MDGA2: variants seen among roughly 807,000 people sequenced by gnomAD.
The protein encoded by MDGA2 is MAM domain containing glycosylphosphatidylinositol anchor 2.
In MDGA2, 40 loss-of-function variants were observed where a neutral mutation model predicts 117.8. The observed-to-expected ratio is 0.34, with a 90% CI of 0.26 to 0.44. The LOEUF (loss-of-function observed/expected upper bound fraction) is 0.44. Among genes scored for constraint, MDGA2 ranks in the 20% least tolerant of loss-of-function variants. MDGA2 has a pLI of 1.00. For synonymous variants in MDGA2, 452 were observed against 439.0 expected, an observed-to-expected ratio of 1.03 and a Z score of -0.37; for missense variants, 1,123 against 1,250.6, an observed-to-expected ratio of 0.90 and a Z score of 1.54.
At chr14:47,467,856 T>A (rs996941432) in intron 1 of MDGA2, among the ~76,000 whole-genome samples, 2 of 152,154 alleles carry the variant, frequency 1.3e-5, no homozygotes, top group Non-Finnish European at 2.9e-5. Context: ...AAATGACCCA[T>A]ACATTTTAAC....
At chr14:47,609,465 A>ATATATATATATATATATATATATATAT (rs1555336021) in intron 1 of MDGA2, among the ~76,000 whole-genome samples, 2 of 107,386 alleles carry the variant, frequency 1.9e-5, no homozygotes, top group Non-Finnish European at 3.9e-5. Flanking sequence ...ATATATATAT[A>ATATATATATATATATATATATATATAT]AGTTTCTTTA....
intron 2 of MDGA2, among the ~76,000 whole-genome samples, chr14:47,239,486 T>C (rs1439710100): frequency 6.6e-6 from 1 of 151,876 alleles, no homozygotes; most frequent in Non-Finnish European, 1.5e-5. Flanking sequence ...TAATATGCTT[T>C]GATCAATTTG....
rs542908293 is a variant in MDGA2 at position 47,243,796 on chromosome 14, A to G, written c.421-25601T>C. ...AGTCAGTGAGACCAAGAACCCACCA[A>G]TTCCGGACACAAAACCAAACGCTCC... is the stretch of plus-strand genomic sequence containing the variant. On this transcript the variant is annotated intron_variant, in intron 2 of 16. Transcript: ENST00000399232. Among the ~76,000 whole-genome samples, 17 of 151,870 alleles carry G rather than the reference A, an allele frequency of 1.1e-4. No homozygotes were observed. The South Asian group carries it at 2.1e-3, about 19-fold the overall frequency.
At chr14:47,061,620 T>G in intron 6 of MDGA2, 42 bp from the exon 7 acceptor site, 1 of 1,499,460 alleles carries the variant, frequency 6.7e-7, no homozygotes, top group Non-Finnish European at 9.1e-7. Flanking sequence ...GTTACTTTCA[T>G]AACTTTAAGG....
At chr14:47,398,630 A>G (rs1277507859) in intron 1 of MDGA2, among the ~76,000 whole-genome samples, 1 of 152,158 alleles carries the variant, frequency 6.6e-6, no homozygotes, top group African/African-American at 2.4e-5. Context: ...TTCTATGGAC[A>G]CACAACGTTT....
At chr14:47,052,593 C>T (rs1166235358) in intron 7 of MDGA2, among the ~76,000 whole-genome samples, 1 of 151,784 alleles carries the variant, frequency 6.6e-6, no homozygotes, top group Non-Finnish European at 1.5e-5. Context: ...AGAATACTCT[C>T]CATTTTTATA....
chr14:47,014,267 T>C (rs1467359946), intron 8 of MDGA2, among the ~76,000 whole-genome samples: 1 of 152,030 alleles, frequency 6.6e-6, no homozygotes, highest in African/African-American at 2.4e-5. Flanking sequence ...ACAGGCAGAG[T>C]AGATTTAGCA....
At chr14:47,574,025 G>A (rs117372901) in intron 1 of MDGA2, among the ~76,000 whole-genome samples, 2,913 of 152,148 alleles carry the variant, frequency 0.019, 32 homozygotes, top group Non-Finnish European at 0.028. Context: ...TTGTTATGCT[G>A]ATAATAAACT....
At chr14:46,991,621 C>T (rs1887096903) in intron 8 of MDGA2, among the ~76,000 whole-genome samples, 1 of 152,024 alleles carries the variant, frequency 6.6e-6, no homozygotes, top group African/African-American at 2.4e-5. Context: ...GAACATTTCC[C>T]AACTTACAAC....
intron 1 of MDGA2, among the ~76,000 whole-genome samples, chr14:47,444,964 T>C (rs1443999486): frequency 2.0e-5 from 3 of 152,148 alleles, no homozygotes; most frequent in Admixed American, 2.0e-4. Context: ...TATTATGAAA[T>C]GTACAATGAT....
At chr14:47,529,200 TGCAATAAA>T (rs1895041160) in intron 1 of MDGA2, among the ~76,000 whole-genome samples, 2 of 152,104 alleles carry the variant, frequency 1.3e-5, no homozygotes, top group African/African-American at 4.8e-5. Flanking sequence ...AAACTACATC[TGCAATAAA>T]GCTCATTGGT....
intron 2 of MDGA2, among the ~76,000 whole-genome samples, chr14:47,236,414 G>A (rs527670912): frequency 4.6e-5 from 7 of 152,096 alleles, no homozygotes; most frequent in Admixed American, 1.3e-4. Flanking sequence ...GGAGCAGTTG[G>A]TGTTTGAGGA....
intron 10 of MDGA2, among the ~76,000 whole-genome samples, chr14:46,889,283 G>T (rs1375023315): frequency 6.6e-6 from 1 of 151,926 alleles, no homozygotes; most frequent in Non-Finnish European, 1.5e-5. Context: ...TTCTGAGTAG[G>T]CACTTTTCAC....
chr14:47,495,655 T>G (rs940318816), intron 1 of MDGA2, among the ~76,000 whole-genome samples: 3 of 152,192 alleles, frequency 2.0e-5, no homozygotes, highest in Non-Finnish European at 4.4e-5. Flanking sequence ...AGACCTACCT[T>G]CAAGGAATGT....
At position 46,920,033 on chromosome 14, in the gene MDGA2, T is replaced by C; in HGVS notation, c.2217A>G (p.Ala739=). 3 of 1,584,552 alleles carry C rather than the reference T, an allele frequency of 1.9e-6. No homozygotes were observed. Among genetic ancestry groups the C allele is most frequent in the South Asian group, 1.2e-5 (1 of 83,268 alleles). The change falls in exon 10 of 17, where the codon GCA becomes GCG. Residue 739 remains alanine (A), a synonymous_variant. Transcript: ENST00000399232. The part of the protein sequence containing the change: ...MNPDAVDRIV[A]YRLGIRQAGQ... ...TCACCTGCCTGATGCCCAACCGGTA[T>C]GCAACAATCCGATCCACTGCATCAG... is the stretch of plus-strand genomic sequence containing the variant.
chr14:47,169,806 C>T (rs1566661909), intron 3 of MDGA2, among the ~76,000 whole-genome samples: 2 of 151,940 alleles, frequency 1.3e-5, no homozygotes, highest in Non-Finnish European at 2.9e-5. Context: ...TTTTGTTTCT[C>T]AGCTTATTAA....
chr14:47,218,144 T>C lies in MDGA2; in HGVS notation c.472A>G (p.Ser158Gly). ...GSASDRFQDS[S>G]VFNETLRITN... ...ATCCTCAAAGTCTCATTGAAGACACTTGAGTCTTGGAATCTGTCAGAGGCA... is the reference window on the plus strand; with the variant it reads ...ATCCTCAAAGTCTCATTGAAGACACCTGAGTCTTGGAATCTGTCAGAGGCA... The change falls in exon 3 of 17, where the codon AGT (serine) becomes GGT (glycine). Residue 158 changes from serine to glycine, a missense_variant. Physicochemically the swap from Ser to Gly is moderately conservative, Grantham distance 56. Around this residue, in one of 2 missense-constraint regions of MDGA2, gnomAD observed 233 missense variants for 200.3 expected, o/e 1.16. Transcript: ENST00000399232. The C allele has an allele frequency of 1.0e-5, 16 of 1,551,088 alleles. No individual in the cohort carries two copies. Among genetic ancestry groups the C allele is most frequent in the Non-Finnish European group, 1.4e-5 (16 of 1,146,580 alleles).
At chr14:47,106,499 C>G (rs1880688240) in intron 5 of MDGA2, among the ~76,000 whole-genome samples, 1 of 151,902 alleles carries the variant, frequency 6.6e-6, no homozygotes, top group Non-Finnish European at 1.5e-5. Flanking sequence ...TGCCCGCAGC[C>G]TGGGATTCCT....
chr14:47,123,360 G>C (rs1042563545), intron 5 of MDGA2, among the ~76,000 whole-genome samples: 2 of 151,954 alleles, frequency 1.3e-5, no homozygotes, highest in Admixed American at 1.3e-4. Context: ...TATTGCTCTG[G>C]ATACTGCCTT....
Sources: gnomAD v4.1 joint callset for allele counts (sites outside exome capture counted in the v4.1 genomes callset) on GRCh38, gnomAD v4.1.1 for gene constraint, gnomAD v4.1.1 regional missense constraint, MANE v1.5 for transcripts, NCBI Gene and HGNC (gene_info 2026-07-23, HGNC 2026-07-21) for gene names.